Variants in RIC3 observed in about 807,000 individuals in gnomAD.
RIC3 encodes the protein protein RIC-3.
In RIC3, 28 loss-of-function variants were observed where a neutral mutation model predicts 27.3. The ratio of observed to expected loss-of-function variants is 1.02; its 90% CI spans 0.76 to 1.41. The LOEUF (loss-of-function observed/expected upper bound fraction) is 1.41. Among genes scored for constraint, RIC3 ranks in the 40% most tolerant of loss-of-function variants. The pLI, the probability that RIC3 is intolerant of heterozygous loss-of-function variation, is 0.00. For missense variants in RIC3, 501 were observed against 444.7 expected, an observed-to-expected ratio of 1.13 and a Z score of -1.14; for synonymous variants, 184 against 160.4, an observed-to-expected ratio of 1.15 and a Z score of -1.11.
chr11:8,153,190 A>G (rs1361387347), intron 1 of RIC3, among the ~76,000 whole-genome samples: 1 of 152,202 alleles, frequency 6.6e-6, no homozygotes, highest in Non-Finnish European at 1.5e-5. Flanking sequence ...TATGTTTTAT[A>G]TCCTAGAAGA....
chr11:8,139,963 T>G lies in RIC3; in HGVS notation c.351+4A>C. The G allele has an allele frequency of 6.2e-7, 1 of 1,610,652 alleles. No homozygotes were observed. The highest frequency in any genetic ancestry group is 8.5e-7 in the Non-Finnish European group (1 of 1,177,122). On this transcript the variant is annotated splice_donor_region_variant and intron_variant, in intron 2 of 5. Coordinates refer to ENST00000309737, the MANE Select transcript of RIC3 (RefSeq NM_001206671.4). ...TGTAATATGATTAGGATGATTCTACTTACCTTAAATAGAATGTACAGTATA... is the reference window on the plus strand; with the variant it reads ...TGTAATATGATTAGGATGATTCTACGTACCTTAAATAGAATGTACAGTATA...
Position 8,149,074 on chromosome 11 carries a change from T to C in RIC3, c.125-8881A>G, listed in dbSNP as rs867280207. On this transcript the variant is annotated intron_variant, in intron 1 of 5. Coordinates refer to ENST00000309737, the MANE Select transcript of RIC3 (RefSeq NM_001206671.4). ...CGGGTATGGTGGCGGGCACCTGTAG[T>C]CCCAGCTATTCGGGAGGCTGAGGCA... 2.7e-5 allele frequency among the ~76,000 whole-genome samples: 4 copies of C among 149,642 alleles called. No individual in the cohort carries two copies. In the South Asian group the frequency reaches 8.5e-4, roughly 32 times the overall value.
rs771002922 is a variant in RIC3, at chr11:8,168,865, C to T, written c.124+1G>A. The T allele has an allele frequency of 1.1e-5, 18 of 1,611,456 alleles. No individual in the cohort carries two copies. The highest frequency in any genetic ancestry group is 1.3e-5 in the Non-Finnish European group (15 of 1,178,758). ...CTCAGAGGGAGCTGGCCTGCTCTTACCTTCAGGTGTCGGCGGCGGCTCCTG... is the reference window on the plus strand; with the variant it reads ...CTCAGAGGGAGCTGGCCTGCTCTTATCTTCAGGTGTCGGCGGCGGCTCCTG... On this transcript the variant is annotated splice_donor_variant, in intron 1 of 5. Coordinates refer to ENST00000309737, the MANE Select transcript of RIC3 (RefSeq NM_001206671.4). LOFTEE classifies it high-confidence loss of function.
At chr11:8,111,963 T>G (rs1173361571) in intron 5 of RIC3, among the ~76,000 whole-genome samples, 1 of 152,266 alleles carries the variant, frequency 6.6e-6, no homozygotes, top group Non-Finnish European at 1.5e-5. Context: ...CACGATACAG[T>G]GCAGAAAGCT....
In RIC3 at chr11:8,156,518, C is replaced by T. The variant is rs185837355; in HGVS notation, c.124+12348G>A. Among the ~76,000 whole-genome samples, 403 of 152,322 alleles carry T rather than the reference C, an allele frequency of 2.6e-3. 3 individuals are homozygous for T. Among genetic ancestry groups the T allele is most frequent in the African/African-American group, 9.4e-3 (391 of 41,570 alleles). The stretch of plus-strand genomic sequence containing the variant: ...AACAAATTCTGATTTTCCCTCCCCA[C>T]AAACTGAATTCCTAAACAACTGAAT... On this transcript the variant is annotated intron_variant, in intron 1 of 5. Coordinates refer to ENST00000309737, the MANE Select transcript of RIC3 (RefSeq NM_001206671.4).
chr11:8,130,291 T>A (rs183237036), intron 4 of RIC3, among the ~76,000 whole-genome samples: 70 of 152,324 alleles, frequency 4.6e-4, no homozygotes, highest in African/African-American at 1.5e-3. Flanking sequence ...AACTGTACTT[T>A]TGGACCTTGA....
At chr11:8,135,821 C>T (rs760720532) in intron 4 of RIC3, 2 of 152,048 alleles carry the variant, frequency 1.3e-5, no homozygotes, top group African/African-American at 2.4e-5. Flanking sequence ...CTGGGTAGTT[C>T]TCCACCCAGA....
At chr11:8,097,803 G>A in the RIC3 span, 1 of 1,613,832 alleles carries the variant, frequency 6.2e-7, no homozygotes, top group Admixed American at 1.7e-5. Flanking sequence ...CTCGAGGAGG[G>A]GACAGCTATA....
chr11:8,122,759 C>T (rs1431610451), intron 5 of RIC3, among the ~76,000 whole-genome samples: 1 of 150,120 alleles, frequency 6.7e-6, no homozygotes, highest in African/African-American at 2.5e-5. Context: ...AACCTAAATG[C>T]TAACCTAATA....
chr11:8,132,195 A>G (rs976764344), intron 4 of RIC3, among the ~76,000 whole-genome samples: 1 of 152,184 alleles, frequency 6.6e-6, no homozygotes, highest in Non-Finnish European at 1.5e-5. Context: ...AGAAAGGAAT[A>G]CAGCCTGTGA....
intron 1 of RIC3, 59 bp downstream of exon 1, chr11:8,168,807 G>A (rs1231193418): frequency 1.3e-6 from 2 of 1,563,016 alleles, no homozygotes; most frequent in African/African-American, 1.4e-5. Context: ...CCTCCCTCAA[G>A]CAGCGTTCTC....
intron 1 of RIC3, among the ~76,000 whole-genome samples, chr11:8,163,026 CACACACACACACACACACACACACAT>C (rs1278251079): frequency 1.4e-5 from 2 of 142,394 alleles, no homozygotes; most frequent in South Asian, 2.3e-4. Flanking sequence ...TAAACACACA[CACACACACACACACACACACACACAT>C]ACACACACAC....
At chr11:8,153,359 G>A (rs1371310836) in intron 1 of RIC3, 4 of 435,134 alleles carry the variant, frequency 9.2e-6, no homozygotes, top group Non-Finnish European at 1.8e-5. Flanking sequence ...TAGTTACAAT[G>A]ACATGGTAAC....
intron 4 of RIC3, among the ~76,000 whole-genome samples, chr11:8,136,727 G>T (rs1030351518): frequency 6.6e-6 from 1 of 152,162 alleles, no homozygotes; most frequent in South Asian, 2.1e-4. Context: ...CAAGTAGAAA[G>T]CATCATGTTC....
intron 1 of RIC3, among the ~76,000 whole-genome samples, chr11:8,168,549 CGAGAT>C (rs1233881791): frequency 6.6e-6 from 1 of 152,146 alleles, no homozygotes; most frequent in Non-Finnish European, 1.5e-5. Context: ...CAAATGGTGA[CGAGAT>C]GAGTTAAGCC....
chr11:8,110,778 CT>C lies in RIC3; in HGVS notation c.1029del (p.Asp344MetfsTer17), dbSNP rs1227160013. ...TTKEEWSQDF[K>X]DEGLGISTDK... ...TCGGTGCTGATGCCCAACCCTTCAT[CT>C]TTAAAGTCTTGGGACCACTCTTCTT... On this transcript the variant is annotated frameshift_variant, in exon 6 of 6. Transcript: ENST00000309737. LOFTEE classifies it low-confidence loss of function (END_TRUNC). 3.7e-6 allele frequency: 6 copies of C among 1,614,208 alleles called. No individual in the cohort carries two copies. Among genetic ancestry groups the C allele is most frequent in the Non-Finnish European group, 4.2e-6 (5 of 1,180,024 alleles).
In RIC3 at chr11:8,106,763, A is replaced by T. The variant is rs1306922107; in HGVS notation, c.*3935T>A. 4 of 152,296 alleles carry T rather than the reference A, an allele frequency of 2.6e-5. No homozygotes were observed. The East Asian group carries it at 7.7e-4, about 29-fold the overall frequency. 9.4% of individuals were successfully genotyped at this position (152,296 alleles called of 1,614,324 possible). ...AGGCTACAGTTGTAGCTAGAAGCAG[A>T]CATGAAAGCTAATGGTCTGACCCAG... On this transcript the variant is annotated 3_prime_UTR_variant, in exon 6 of 6. Transcript: ENST00000309737.
rs112848789 is a variant in RIC3 at position 8,137,361 on chromosome 11, G to T, written c.521+17C>A. On this transcript the variant is annotated intron_variant, in intron 4 of 5. Coordinates refer to ENST00000309737, the MANE Select transcript of RIC3 (RefSeq NM_001206671.4). ...CTAAATGAGAAATAGTCTGAGTCCC[G>T]TTACATGAAAACCTACCTCTCACCA... 6.2e-7 allele frequency: 1 copy of T among 1,601,118 alleles called. No homozygotes were observed. Among genetic ancestry groups the T allele is most frequent in the East Asian group, 2.2e-5 (1 of 44,816 alleles).
intron 1 of RIC3, among the ~76,000 whole-genome samples, chr11:8,162,866 G>A (rs1004254600): frequency 2.6e-5 from 4 of 151,670 alleles, no homozygotes; most frequent in African/African-American, 4.8e-5. Flanking sequence ...GGCTGGTCTC[G>A]AACTCCTGGC....
Sources: gnomAD v4.1 joint callset for allele counts (sites outside exome capture counted in the v4.1 genomes callset) on GRCh38, gnomAD v4.1.1 for gene constraint, MANE v1.5 for transcripts, NCBI Gene and HGNC (gene_info 2026-07-23, HGNC 2026-07-21) for gene names.